The following SAMMSON variants were observed in gnomAD, a reference collection of about 807,000 sequenced individuals.
SAMMSON encodes the protein survival associated mitochondrial melanoma specific oncogenic non-coding RNA, also known as long intergenic non-protein coding RNA 1212.
intron 7 of SAMMSON, among the ~76,000 whole-genome samples, chr3:70,292,444 A>G (rs1702247487): frequency 6.6e-6 from 1 of 152,152 alleles, no homozygotes; most frequent in Non-Finnish European, 1.5e-5. Flanking sequence ...GCATGATATC[A>G]CTAGTAATAC....
chr3:70,130,371 T>A (rs941210552), intron 4 of SAMMSON, among the ~76,000 whole-genome samples: 1 of 152,208 alleles, frequency 6.6e-6, no homozygotes, highest in African/African-American at 2.4e-5. Flanking sequence ...ATATTTTGCA[T>A]GTGCTAGGGT....
chr3:70,291,779 T>C (rs2106693653), intron 7 of SAMMSON: 1 of 152,354 alleles, frequency 6.6e-6, no homozygotes, highest in African/African-American at 2.4e-5. Flanking sequence ...ATGTAATAGA[T>C]GCTCACTAAA....
At chr3:70,007,565 C>T (rs370866510) in intron 1 of SAMMSON, among the ~76,000 whole-genome samples, 12 of 151,550 alleles carry the variant, frequency 7.9e-5, no homozygotes, top group East Asian at 5.8e-4. Flanking sequence ...GATGAGTAGA[C>T]TGCAAAAATT....
chr3:70,045,034 T>TTA (rs1214310753), intron 3 of SAMMSON, among the ~76,000 whole-genome samples: 39 of 123,004 alleles, frequency 3.2e-4, no homozygotes, highest in African/African-American at 1.3e-3. Flanking sequence ...ATAATATATA[T>TTA]TATAATTAAT....
At chr3:70,361,192 CT>C (rs1344013796) in intron 9 of SAMMSON, among the ~76,000 whole-genome samples, 1 of 152,086 alleles carries the variant, frequency 6.6e-6, no homozygotes, top group East Asian at 1.9e-4. Flanking sequence ...TTGAAAACCC[CT>C]GTAGTCTCCT....
intron 4 of SAMMSON, among the ~76,000 whole-genome samples, chr3:70,151,091 C>T (rs930625647): frequency 1.7e-4 from 5 of 29,134 alleles, no homozygotes; most frequent in African/African-American, 5.6e-4. Flanking sequence ...TTTATTTCAA[C>T]AGAGAGAATT....
chr3:70,200,193 C>T (rs1438943798), intron 4 of SAMMSON, among the ~76,000 whole-genome samples: 1 of 152,204 alleles, frequency 6.6e-6, no homozygotes, highest in Admixed American at 6.5e-5. Context: ...ACCAGCAGGT[C>T]AACAGCAATA....
chr3:70,386,774 T>C (rs1703126152), intron 9 of SAMMSON, among the ~76,000 whole-genome samples: 1 of 151,978 alleles, frequency 6.6e-6, no homozygotes, highest in Admixed American at 6.6e-5. Flanking sequence ...TTCTAACAGA[T>C]AATATAGGGT....
chr3:70,287,775 GT>G (rs1414410495), intron 6 of SAMMSON, among the ~76,000 whole-genome samples: 1 of 151,006 alleles, frequency 6.6e-6, no homozygotes. Context: ...CTTCTTCCTG[GT>G]TTAGTCTTGG....
intron 2 of SAMMSON, among the ~76,000 whole-genome samples, chr3:70,399,609 T>A (rs751667940): frequency 1.4e-4 from 22 of 152,160 alleles, no homozygotes; most frequent in Non-Finnish European, 2.9e-4. Flanking sequence ...CTCATGCCTG[T>A]AAGCCCAGCA....
At chr3:70,303,087 T>C (rs1024479391) in intron 7 of SAMMSON, among the ~76,000 whole-genome samples, 3 of 152,208 alleles carry the variant, frequency 2.0e-5, no homozygotes, top group Non-Finnish European at 4.4e-5. Flanking sequence ...GTAAGTATTC[T>C]CCTTCCTGAA....
At chr3:70,194,160 G>A (rs1357472822) in intron 4 of SAMMSON, among the ~76,000 whole-genome samples, 4 of 152,120 alleles carry the variant, frequency 2.6e-5, no homozygotes, top group African/African-American at 4.8e-5. Context: ...TAGCTATGTC[G>A]TTATAATGCT....
At chr3:70,416,220 G>C (rs549189024) in intron 2 of SAMMSON, among the ~76,000 whole-genome samples, 3 of 152,258 alleles carry the variant, frequency 2.0e-5, no homozygotes, top group African/African-American at 4.8e-5. Flanking sequence ...ACTAGAGAAA[G>C]TATTGAATTT....
intron 4 of SAMMSON, chr3:70,126,979 T>C (rs1165365858): frequency 6.5e-6 from 1 of 153,142 alleles, no homozygotes; most frequent in East Asian, 1.9e-4. Flanking sequence ...CCTTCCAAAG[T>C]ACTGGGATTA....
chr3:70,337,536 C>A (rs768986331), intron 7 of SAMMSON, among the ~76,000 whole-genome samples: 16 of 151,982 alleles, frequency 1.1e-4, no homozygotes, highest in Non-Finnish European at 8.8e-5. Flanking sequence ...GCCCAGGATT[C>A]ATTATAATTT....
intron 2 of SAMMSON, among the ~76,000 whole-genome samples, chr3:70,423,769 T>G (rs950746261): frequency 5.9e-5 from 9 of 152,196 alleles, no homozygotes; most frequent in Non-Finnish European, 1.3e-4. Context: ...GAGTGAGGTC[T>G]TTAAATAAAA....
chr3:70,124,603 G>A (rs757479430), intron 4 of SAMMSON, among the ~76,000 whole-genome samples: 3 of 152,094 alleles, frequency 2.0e-5, no homozygotes, highest in Admixed American at 6.5e-5. Context: ...ACAAGGTCAG[G>A]AGATCAAGAC....
chr3:70,393,501 T>C (rs1186690080), downstream of SAMMSON, among the ~76,000 whole-genome samples: 2 of 152,182 alleles, frequency 1.3e-5, no homozygotes, highest in Non-Finnish European at 2.9e-5. Context: ...ATGCTACAGC[T>C]TGGGGAGATA....
chr3:70,247,872 T>A (rs1004248375), intron 4 of SAMMSON, among the ~76,000 whole-genome samples: 1 of 151,992 alleles, frequency 6.6e-6, no homozygotes, highest in Non-Finnish European at 1.5e-5. Flanking sequence ...TAAAATAATA[T>A]CATAAGTTAT....
Sources: gnomAD v4.1 joint callset for allele counts (sites outside exome capture counted in the v4.1 genomes callset) on GRCh38, gnomAD v4.1.1 for gene constraint, MANE v1.5 for transcripts, NCBI Gene and HGNC (gene_info 2026-07-23, HGNC 2026-07-21) for gene names.